Variants in DNAJC1 observed in about 807,000 individuals in gnomAD.
DNAJC1 encodes DnaJ heat shock protein family (Hsp40) member C1.
In DNAJC1, 58 loss-of-function variants were observed where a neutral mutation model predicts 76.6. The ratio of observed to expected loss-of-function variants is 0.76; its 90% CI spans 0.61 to 0.94. The LOEUF is 0.94. Among genes scored for constraint, DNAJC1 ranks in the 40% least tolerant of loss-of-function variants. The pLI, the probability that DNAJC1 is intolerant of heterozygous loss-of-function variation, is 0.00. For missense variants in DNAJC1, 689 were observed against 677.3 expected (o/e 1.02, Z -0.19); for synonymous variants, 258 against 267.9 (o/e 0.96, Z 0.36).
At chr10:21,945,530 T>C (rs1447369461) in intron 1 of DNAJC1, among the ~76,000 whole-genome samples, 3 of 151,950 alleles carry the variant, frequency 2.0e-5, no homozygotes, top group African/African-American at 7.3e-5. Context: ...ATCCAAAATA[T>C]GGGAGAAAAG....
chr10:21,995,108 T>A (rs1677511366), intron 1 of DNAJC1, among the ~76,000 whole-genome samples: 1 of 151,922 alleles, frequency 6.6e-6, no homozygotes, highest in South Asian at 2.1e-4. Flanking sequence ...TTAAAAAAAA[T>A]TTTCTAAAAG....
At chr10:21,852,092 TACACACACACACACACAC>T (rs58289439) in intron 8 of DNAJC1, among the ~76,000 whole-genome samples, 27 of 146,198 alleles carry the variant, frequency 1.8e-4, no homozygotes, top group East Asian at 6.1e-4. Flanking sequence ...AATTGTGAGA[TACACACACACACACACAC>T]ACACACACAC....
At chr10:21,970,924 T>G (rs1837966641) in intron 1 of DNAJC1, among the ~76,000 whole-genome samples, 1 of 152,110 alleles carries the variant, frequency 6.6e-6, no homozygotes, top group African/African-American at 2.4e-5. Context: ...TGAGGTCTAG[T>G]TGACAGTTAA....
intron 10 of DNAJC1, among the ~76,000 whole-genome samples, chr10:21,765,275 C>T (rs573452858): frequency 5.3e-5 from 8 of 151,968 alleles, no homozygotes; most frequent in Admixed American, 1.3e-4. Flanking sequence ...ACTATGTTGC[C>T]CAGGCTGGTT....
intron 8 of DNAJC1, among the ~76,000 whole-genome samples, chr10:21,879,651 G>T (rs954199190): frequency 6.6e-6 from 1 of 152,098 alleles, no homozygotes; most frequent in Non-Finnish European, 1.5e-5. Flanking sequence ...TTAAAAAAAT[G>T]TTTAAAACTA....
chr10:21,969,224 A>C (rs1456429230), intron 1 of DNAJC1, among the ~76,000 whole-genome samples: 2 of 10,214 alleles, frequency 2.0e-4, no homozygotes, highest in African/African-American at 1.4e-3. Flanking sequence ...ACTCCATTTC[A>C]AAAAAAAAAA....
chr10:21,892,564 T>C (rs1836477500), intron 7 of DNAJC1, among the ~76,000 whole-genome samples: 1 of 151,950 alleles, frequency 6.6e-6, no homozygotes, highest in Admixed American at 6.6e-5. Context: ...AACCATTTAA[T>C]ACACACACAC....
chr10:21,990,030 AAC>A (rs1838303643), intron 1 of DNAJC1, among the ~76,000 whole-genome samples: 1 of 152,240 alleles, frequency 6.6e-6, no homozygotes, highest in African/African-American at 2.4e-5. Flanking sequence ...ACATTTTTAT[AAC>A]ACAATGACAG....
chr10:21,809,056 C>A (rs547406567), intron 8 of DNAJC1, among the ~76,000 whole-genome samples: 6 of 152,130 alleles, frequency 3.9e-5, no homozygotes, highest in Admixed American at 3.3e-4. Context: ...AAATCATGTA[C>A]CTTTGGGATG....
At chr10:21,819,843 T>G (rs755413563) in intron 8 of DNAJC1, among the ~76,000 whole-genome samples, 8 of 152,030 alleles carry the variant, frequency 5.3e-5, no homozygotes, top group Non-Finnish European at 1.2e-4. Flanking sequence ...GGCAAGAGAA[T>G]CGCTTGAGCC....
chr10:21,877,865 G>A (rs186847504), intron 8 of DNAJC1, among the ~76,000 whole-genome samples: 1 of 152,294 alleles, frequency 6.6e-6, no homozygotes, highest in Non-Finnish European at 1.5e-5. Flanking sequence ...ACAGCCTACT[G>A]TTGACTGGAA....
rs867577969 is a variant in DNAJC1 at position 21,908,267 on chromosome 10, A to T, written c.730-3655T>A. ...TAATATAGAGAAAATATATATATAT[A>T]TTTTATATATATATATATATAAGAA... On this transcript the variant is annotated intron_variant, in intron 6 of 11. Coordinates refer to ENST00000376980, the MANE Select transcript of DNAJC1 (RefSeq NM_022365.4). Among the ~76,000 whole-genome samples, 35 of 102,664 alleles carry T rather than the reference A, an allele frequency of 3.4e-4. 1 individual carries two copies. The highest frequency in any genetic ancestry group is 9.0e-4 in the African/African-American group (27 of 29,910). The allele number at this position is 102,664 out of a possible 152,430, so 67.4% of individuals were successfully genotyped here.
At chr10:21,767,917 C>G (rs1834319967) in intron 9 of DNAJC1, among the ~76,000 whole-genome samples, 1 of 152,092 alleles carries the variant, frequency 6.6e-6, no homozygotes, top group African/African-American at 2.4e-5. Context: ...ACTGCTTGAA[C>G]CCAGGAGGTA....
intron 8 of DNAJC1, among the ~76,000 whole-genome samples, chr10:21,836,626 G>A (rs1288754497): frequency 6.6e-6 from 1 of 152,122 alleles, no homozygotes; most frequent in African/African-American, 2.4e-5. Flanking sequence ...TAATGGGATG[G>A]AGGAAGATCT....
At chr10:21,859,481 A>G (rs1263289370) in intron 8 of DNAJC1, among the ~76,000 whole-genome samples, 1 of 152,218 alleles carries the variant, frequency 6.6e-6, no homozygotes, top group Non-Finnish European at 1.5e-5. Context: ...TGAACATTTT[A>G]TATTTCCCCT....
At chr10:21,800,559 T>C (rs1290122594) in intron 9 of DNAJC1, among the ~76,000 whole-genome samples, 1 of 152,222 alleles carries the variant, frequency 6.6e-6, no homozygotes, top group African/African-American at 2.4e-5. Context: ...TATTCTTTAA[T>C]GATATCATGG....
chr10:21,865,952 T>C (rs148543003), intron 8 of DNAJC1: 3,554 of 151,994 alleles, frequency 0.023, 99 homozygotes, highest in African/African-American at 0.049. Flanking sequence ...CTGGCCAACA[T>C]GGTGAAACCT....
intron 8 of DNAJC1, among the ~76,000 whole-genome samples, chr10:21,845,165 T>G (rs762710005): frequency 6.6e-6 from 1 of 152,026 alleles, no homozygotes; most frequent in Non-Finnish European, 1.5e-5. Context: ...TTTGGGGGCT[T>G]CTGTTTGTCC....
intron 9 of DNAJC1, among the ~76,000 whole-genome samples, chr10:21,779,090 C>T (rs567974950): frequency 5.1e-4 from 78 of 152,312 alleles, no homozygotes; most frequent in African/African-American, 1.7e-3. Context: ...GTAAACAAAG[C>T]GGCCAGGAAG....
Sources: gnomAD v4.1 joint callset for allele counts (sites outside exome capture counted in the v4.1 genomes callset) on GRCh38, gnomAD v4.1.1 for gene constraint, MANE v1.5 for transcripts, NCBI Gene and HGNC (gene_info 2026-07-23, HGNC 2026-07-21) for gene names.